The following LY96 variants were observed in gnomAD, a reference collection of about 807,000 sequenced individuals.
The protein encoded by LY96 is lymphocyte antigen 96, also known as myeloid differentiation protein-2.
In LY96, 18 loss-of-function variants were observed where a neutral mutation model predicts 18.9. That is an observed-to-expected ratio of 0.95 (90% confidence interval 0.66 to 1.41). LY96 has a LOEUF of 1.41. Among genes scored for constraint, LY96 ranks in the 40% most tolerant of loss-of-function variants. The pLI, the probability that LY96 is intolerant of heterozygous loss-of-function variation, is 0.00. For synonymous variants in LY96, 66 were observed against 62.6 expected, an observed-to-expected ratio of 1.06 and a Z score of -0.26; for missense variants, 175 against 182.4, an observed-to-expected ratio of 0.96 and a Z score of 0.23.
the LY96 span, among the ~76,000 whole-genome samples, chr8:74,041,329 C>T: frequency 6.6e-6 from 1 of 152,162 alleles, no homozygotes; most frequent in African/African-American, 2.4e-5. Flanking sequence ...ATTGTGTTAA[C>T]TGTACAAATT....
the LY96 span, among the ~76,000 whole-genome samples, chr8:74,045,388 C>A: frequency 4.6e-5 from 7 of 152,222 alleles, no homozygotes; most frequent in Non-Finnish European, 8.8e-5. Flanking sequence ...TTCTACTTAA[C>A]AGCAGACAGA....
the LY96 span, among the ~76,000 whole-genome samples, chr8:74,068,061 C>CAA: frequency 8.8e-4 from 32 of 36,196 alleles, no homozygotes; most frequent in South Asian, 3.0e-3. Flanking sequence ...AACTCTGTCT[C>CAA]AAAAAAAAAA....
At chr8:74,056,310 C>A in the LY96 span, 1 of 308,068 alleles carries the variant, frequency 3.2e-6, no homozygotes, top group South Asian at 2.8e-5. Context: ...AATCGGTTTG[C>A]ATTTTGCTTA....
At chr8:74,055,722 G>A in the LY96 span, among the ~76,000 whole-genome samples, 10 of 152,196 alleles carry the variant, frequency 6.6e-5, no homozygotes, top group Non-Finnish European at 1.3e-4. Flanking sequence ...TCCCTTAAGA[G>A]CAGAAGACTT....
the LY96 span, among the ~76,000 whole-genome samples, chr8:74,065,053 T>C: frequency 0.047 from 7,161 of 152,188 alleles, 237 homozygotes; most frequent in African/African-American, 0.09. Flanking sequence ...AAACTGAATT[T>C]CCAACTGTGA....
At chr8:74,033,848 A>G (rs946140547), downstream of LY96, among the ~76,000 whole-genome samples, 2 of 151,532 alleles carry the variant, frequency 1.3e-5, no homozygotes, top group Non-Finnish European at 2.9e-5. Context: ...CAATATAGTT[A>G]TTTGCATAAG....
At chr8:74,051,984 G>A in the LY96 span, among the ~76,000 whole-genome samples, 1 of 151,532 alleles carries the variant, frequency 6.6e-6, no homozygotes, top group Non-Finnish European at 1.5e-5. Context: ...TCCTATACAT[G>A]TTTAGTGCAG....
chr8:74,042,518 C>CA, the LY96 span, among the ~76,000 whole-genome samples: 29 of 147,152 alleles, frequency 2.0e-4, 1 homozygote, highest in African/African-American at 4.0e-4. Context: ...AACTCCATCT[C>CA]AAAAAAAAAA....
intron 3 of LY96, among the ~76,000 whole-genome samples, chr8:74,016,267 A>G (rs749916187): frequency 1.3e-5 from 2 of 152,226 alleles, no homozygotes; most frequent in Non-Finnish European, 2.9e-5. Flanking sequence ...CTGCTAGCAC[A>G]GCAGTCCAAG....
chr8:74,080,596 T>A, the LY96 span, among the ~76,000 whole-genome samples: 1 of 152,222 alleles, frequency 6.6e-6, no homozygotes, highest in African/African-American at 2.4e-5. Flanking sequence ...TTCTCCACTG[T>A]CAGTTTGTCA....
chr8:74,036,589 A>G, the LY96 span, among the ~76,000 whole-genome samples: 4 of 152,252 alleles, frequency 2.6e-5, no homozygotes, highest in Non-Finnish European at 4.4e-5. Flanking sequence ...TTACACATCT[A>G]TACTTTCATC....
chr8:74,015,987 C>G (rs997843835), intron 3 of LY96, among the ~76,000 whole-genome samples: 1 of 152,182 alleles, frequency 6.6e-6, no homozygotes, highest in East Asian at 1.9e-4. Context: ...ACTGAGGTAC[C>G]TGGTTCATCT....
At chr8:74,030,507 G>C (rs1252338883), downstream of LY96, among the ~76,000 whole-genome samples, 1 of 152,194 alleles carries the variant, frequency 6.6e-6, no homozygotes, top group Non-Finnish European at 1.5e-5. Context: ...AGTGTTTTTG[G>C]TGAAGTTTAT....
the LY96 span, among the ~76,000 whole-genome samples, chr8:74,054,624 C>CTTTA: frequency 2.0e-4 from 18 of 89,136 alleles, no homozygotes; most frequent in Non-Finnish European, 1.8e-4. Context: ...TTCCTTCTTT[C>CTTTA]TTTCTTTCTT....
At chr8:73,998,246 T>C (rs1816191561) in intron 1 of LY96, among the ~76,000 whole-genome samples, 1 of 152,172 alleles carries the variant, frequency 6.6e-6, no homozygotes, top group South Asian at 2.1e-4. Context: ...ACCACTCCCA[T>C]TGTTCTGTAA....
At chr8:74,023,911 A>G (rs1816818365) in intron 3 of LY96, among the ~76,000 whole-genome samples, 1 of 152,226 alleles carries the variant, frequency 6.6e-6, no homozygotes, top group Admixed American at 6.5e-5. Context: ...TAAAAACATT[A>G]TGGCAAGTCT....
At chr8:74,085,361 A>G in the LY96 span, among the ~76,000 whole-genome samples, 202 of 152,332 alleles carry the variant, frequency 1.3e-3, no homozygotes, top group African/African-American at 4.6e-3. Flanking sequence ...TTCTTGGTAT[A>G]GTTTCAGACA....
chr8:74,070,648 T>C, the LY96 span, among the ~76,000 whole-genome samples: 1 of 152,170 alleles, frequency 6.6e-6, no homozygotes, highest in African/African-American at 2.4e-5. Context: ...AATTTCCTTG[T>C]TTTTGAGCGT....
At chr8:74,022,581 C>CTTT (rs769379029) in intron 3 of LY96, among the ~76,000 whole-genome samples, 54 of 133,128 alleles carry the variant, frequency 4.1e-4, no homozygotes, top group African/African-American at 1.4e-3. Flanking sequence ...TTCTTTTTTT[C>CTTT]TTTTTTTTTT....
Sources: allele counts gnomAD v4.1 joint callset (sites outside exome capture counted in the v4.1 genomes callset), GRCh38; gene constraint gnomAD v4.1.1; transcripts MANE v1.5; gene names NCBI Gene and HGNC (gene_info 2026-07-23, HGNC 2026-07-21).